The following DBR1 variants were observed in gnomAD, a reference collection of about 807,000 sequenced individuals.
DBR1 encodes the protein debranching RNA lariats 1.
DBR1 carries 33 observed loss-of-function variants against 45.9 expected under a neutral mutation model. The observed-to-expected ratio is 0.72, with a 90% CI of 0.55 to 0.96. The LOEUF (loss-of-function observed/expected upper bound fraction) is 0.96. Ranked by LOEUF, DBR1 falls within the 40% of genes least tolerant of loss-of-function variation. The pLI, the probability that DBR1 is intolerant of heterozygous loss-of-function variation, is 0.00. For missense variants in DBR1, 619 were observed against 667.4 expected, an observed-to-expected ratio of 0.93 and a Z score of 0.80; for synonymous variants, 235 against 235.9, an observed-to-expected ratio of 1.00 and a Z score of 0.04.
At chr3:138,170,991 T>A (rs1182156899) in intron 3 of DBR1, among the ~76,000 whole-genome samples, 1 of 152,184 alleles carries the variant, frequency 6.6e-6, no homozygotes, top group African/African-American at 2.4e-5. Context: ...GTACATTGTT[T>A]AAAGTTCTTA....
chr3:138,169,686 C>T (rs1177680577), intron 4 of DBR1, among the ~76,000 whole-genome samples: 1 of 152,144 alleles, frequency 6.6e-6, no homozygotes, highest in East Asian at 1.9e-4. Context: ...AATCCCAGCA[C>T]TTTGGGAGGC....
intron 3 of DBR1, 137 bp downstream of exon 3, chr3:138,171,496 A>AAG: frequency 1.2e-5 from 4 of 336,480 alleles, no homozygotes; most frequent in Non-Finnish European, 2.2e-5. Flanking sequence ...AAAAAAAAAA[A>AAG]AAAAGCAAAA....
At chr3:138,169,653 C>T (rs1467000805) in intron 4 of DBR1, among the ~76,000 whole-genome samples, 3 of 151,928 alleles carry the variant, frequency 2.0e-5, no homozygotes, top group Non-Finnish European at 4.4e-5. Flanking sequence ...AAAATTTTGC[C>T]GGGCACAGTG....
At chr3:138,163,540 A>C in intron 6 of DBR1, 46 bp from the exon 7 acceptor site, 1 of 1,074,684 alleles carries the variant, frequency 9.3e-7, no homozygotes. Flanking sequence ...TATTTGTAAC[A>C]GTCTAATCAC....
chr3:138,169,110 T>TA (rs1358524877), intron 4 of DBR1, among the ~76,000 whole-genome samples: 2 of 152,216 alleles, frequency 1.3e-5, no homozygotes, highest in Non-Finnish European at 2.9e-5. Flanking sequence ...CAAGAATTGT[T>TA]AGACTCCTGC....
chr3:138,169,759 C>T (rs1298933540), intron 4 of DBR1, among the ~76,000 whole-genome samples: 1 of 152,050 alleles, frequency 6.6e-6, no homozygotes, highest in African/African-American at 2.4e-5. Context: ...TGGTGAAACC[C>T]CATCCCTACT....
intron 7 of DBR1, 149 bp downstream of exon 7, chr3:138,163,200 C>T: frequency 1.4e-6 from 1 of 723,292 alleles, no homozygotes; most frequent in Non-Finnish European, 2.1e-6. Flanking sequence ...GCAGAGGATG[C>T]AGTGAGCCAA....
rs1299744791 is a variant in DBR1 at position 138,173,577 on chromosome 3, C to T, written c.247G>A (p.Gly83Arg). 2 of 1,613,516 alleles carry T rather than the reference C, an allele frequency of 1.2e-6. No individual in the cohort carries two copies. Among genetic ancestry groups the T allele is most frequent in the East Asian group, 2.2e-5 (1 of 44,880 alleles). Reference protein sequence around the residue: ...KAPVLTLFIGGNHEASNHLQE... With the variant: ...KAPVLTLFIGRNHEASNHLQE... ...AAATGATTTGAGGCTTCATGGTTTC[C>T]CCCAATGAAGAGCGTGAGAACTGGA... The change falls in exon 2 of 8, where the codon GGA (glycine) becomes AGA (arginine). Residue 83 changes from glycine (G) to arginine (R), a missense_variant. Physicochemically the swap from Gly to Arg is moderately radical, Grantham distance 125. Transcript: ENST00000260803.
chr3:138,161,957 T>C lies in DBR1; in HGVS notation c.1567A>G (p.Lys523Glu). The stretch of plus-strand genomic sequence containing the variant: ...GCTTGATTCCTCCTCTTAATTTTCT[T>C]TCTTTGTTCAGGTTCATGTTCATCA... Reference protein sequence around the residue: ...LSDEHEPEQRKKIKRRNQAIY... With the variant: ...LSDEHEPEQREKIKRRNQAIY... The change falls in exon 8 of 8, where the codon AAG becomes GAG. Residue 523 changes from lysine (K) to glutamate (E), a missense_variant. Transcript: ENST00000260803. 6.2e-7 allele frequency: 1 copy of C among 1,614,194 alleles called. No homozygotes were observed.
intron 1 of DBR1, among the ~76,000 whole-genome samples, 179 bp downstream of exon 1, chr3:138,174,420 T>A (rs996948258): frequency 6.6e-6 from 1 of 152,150 alleles, no homozygotes; most frequent in South Asian, 2.1e-4. Flanking sequence ...CCTAACTGAA[T>A]ACAGTACCGA....
intron 2 of DBR1, among the ~76,000 whole-genome samples, chr3:138,171,984 AAC>A (rs2042957603): frequency 6.6e-6 from 1 of 152,236 alleles, no homozygotes; most frequent in Non-Finnish European, 1.5e-5. Context: ...CTGAAAGTGA[AAC>A]AGACATAATT....
intron 6 of DBR1, 26 bp from the exon 7 acceptor site, chr3:138,163,520 A>C: frequency 6.9e-7 from 1 of 1,440,266 alleles, no homozygotes; most frequent in South Asian, 1.4e-5. Flanking sequence ...AATGTTAAGA[A>C]ATACATATAT....
rs1164785651 is a variant in DBR1 at position 138,162,041 on chromosome 3, C to T, written c.1483G>A (p.Gly495Arg). ...STIDREGKPG[G>R]TVESGNGEDL... ...TCTCCATTCCCTGACTCCACAGTCC[C>T]ACCAGGTTTCCCCTCTCTATCAATT... is the stretch of plus-strand genomic sequence containing the variant. Residue 495 changes from glycine to arginine, a missense_variant, in exon 8 of 8, where the codon GGG (glycine) becomes AGG (arginine). By Grantham distance (125) the Gly-to-Arg change is moderately radical. Around this residue, in one of 3 missense-constraint regions of DBR1, gnomAD observed 182 missense variants for 196.1 expected, o/e 0.93. Coordinates refer to ENST00000260803, the MANE Select transcript of DBR1 (RefSeq NM_016216.4). The T allele has an allele frequency of 6.2e-7, 1 of 1,614,150 alleles. No homozygotes were observed. Among genetic ancestry groups the T allele is most frequent in the South Asian group, 1.1e-5 (1 of 91,082 alleles).
At chr3:138,163,921 C>A in intron 5 of DBR1, 63 bp from the exon 6 acceptor site, 2 of 1,154,612 alleles carry the variant, frequency 1.7e-6, no homozygotes, top group South Asian at 1.3e-5. Flanking sequence ...ATTCTTCATA[C>A]ACGGAATAGG....
Position 138,163,415 on chromosome 3 carries a change from G to A in DBR1, c.875C>T (p.Thr292Met), listed in dbSNP as rs145211141. 7.1e-5 allele frequency: 115 copies of A among 1,613,600 alleles called. No individual in the cohort carries two copies. Among genetic ancestry groups the A allele is most frequent in the East Asian group, 1.1e-4 (5 of 44,890 alleles). The change falls in exon 7 of 8, where the codon ACG becomes ATG. Residue 292 changes from threonine (T) to methionine (M), a missense_variant. Around this residue, in one of 3 missense-constraint regions of DBR1, gnomAD observed 430 missense variants for 447.7 expected, o/e 0.96. Transcript: ENST00000260803. Reference sequence around the variant, plus strand: ...CCCAGTCACATTAATAAGATCATCCGTAGCCCTGAGAATAGTGAGCCATTC... The same window carrying A: ...CCCAGTCACATTAATAAGATCATCCATAGCCCTGAGAATAGTGAGCCATTC... ...DIEWLTILRATDDLINVTGRL... is the reference protein window; with the variant it reads ...DIEWLTILRAMDDLINVTGRL...
chr3:138,174,619 A>G lies in DBR1; in HGVS notation c.177T>C (p.Arg59=). ...CTCACCTGTAGAAGGTTTGCATGTG[A>G]CGATACTTGGGCGGCACGGCCATGC... ...LRCMAVPPKY[R]HMQTFYRYYS... Residue 59 remains arginine, a synonymous_variant, in exon 1 of 8, where the codon CGT becomes CGC. Coordinates refer to ENST00000260803, the MANE Select transcript of DBR1 (RefSeq NM_016216.4). The G allele has an allele frequency of 6.8e-7, 1 of 1,475,290 alleles. No homozygotes were observed. The highest frequency in any genetic ancestry group is 1.4e-5 in the African/African-American group (1 of 70,766). 91.4% of individuals were successfully genotyped at this position (1,475,290 alleles called of 1,614,324 possible).
rs762039483 is a variant in DBR1, at chr3:138,161,382, A to T, written c.*507T>A. ...AGATACCCAGTCAAGTAAATATATG[A>T]AACTTTAATATGTTTGCATCTGAAA... On this transcript the variant is annotated 3_prime_UTR_variant, in exon 8 of 8. Coordinates refer to ENST00000260803, the MANE Select transcript of DBR1 (RefSeq NM_016216.4). 2.0e-5 allele frequency: 3 copies of T among 153,676 alleles called. No homozygotes were observed. The highest frequency in any genetic ancestry group is 7.2e-5 in the African/African-American group (3 of 41,452). 9.5% of individuals were successfully genotyped at this position (153,676 alleles called of 1,614,324 possible). A position where few individuals can be genotyped will look rare whatever the true frequency, so the allele number is the denominator to read the frequency against.
intron 3 of DBR1, 145 bp downstream of exon 3, chr3:138,171,488 A>C: frequency 3.1e-6 from 1 of 317,768 alleles, no homozygotes; most frequent in South Asian, 3.9e-5. Flanking sequence ...AAAAAAAAAA[A>C]AAAAAAAAAA....
chr3:138,174,200 T>TA (rs1352370572), intron 1 of DBR1, among the ~76,000 whole-genome samples: 1 of 151,992 alleles, frequency 6.6e-6, no homozygotes, highest in African/African-American at 2.4e-5. Flanking sequence ...AGGGGCCCAG[T>TA]AAAAACTTCA....
Sources: allele counts gnomAD v4.1 joint callset (sites outside exome capture counted in the v4.1 genomes callset), GRCh38; gene constraint gnomAD v4.1.1; regional missense constraint gnomAD v4.1.1; transcripts MANE v1.5; gene names NCBI Gene and HGNC (gene_info 2026-07-23, HGNC 2026-07-21).